LRP1B: variants seen among roughly 807,000 people sequenced by gnomAD.
LRP1B encodes LDL receptor related protein 1B, also known as low-density lipoprotein receptor-related protein 1B.
In LRP1B, 217 loss-of-function variants were observed where a neutral mutation model predicts 556.6. The observed-to-expected ratio is 0.39, with a 90% confidence interval of 0.35 to 0.44. LRP1B has a LOEUF of 0.44. Ranked by LOEUF, LRP1B falls within the 20% of genes least tolerant of loss-of-function variation. The pLI, the probability that LRP1B is intolerant of heterozygous loss-of-function variation, is 1.00. For missense variants in LRP1B, 5,053 were observed against 5,620.8 expected (o/e 0.90, Z 3.23); for synonymous variants, 2,047 against 1,865.8 (o/e 1.10, Z -2.50).
At chr2:140,898,730 C>G (rs1339415930) in intron 23 of LRP1B, 4 of 551,336 alleles carry the variant, frequency 7.3e-6, no homozygotes, top group African/African-American at 1.9e-5. Context: ...TGCCATCTAC[C>G]TTTGGGCAAC....
chr2:141,824,540 C>CT (rs975448675), intron 1 of LRP1B, among the ~76,000 whole-genome samples: 2 of 152,026 alleles, frequency 1.3e-5, no homozygotes, highest in African/African-American at 2.4e-5. Context: ...AATTTTTTGT[C>CT]TTTTTTAGTA....
At chr2:140,852,568 C>T (rs1176314502) in intron 27 of LRP1B, among the ~76,000 whole-genome samples, 1 of 152,164 alleles carries the variant, frequency 6.6e-6, no homozygotes, top group African/African-American at 2.4e-5. Context: ...TTCCTTCAAA[C>T]ACGTGCTCTT....
intron 29 of LRP1B, among the ~76,000 whole-genome samples, chr2:140,846,879 T>C (rs1185860293): frequency 6.6e-6 from 1 of 152,182 alleles, no homozygotes; most frequent in Non-Finnish European, 1.5e-5. Flanking sequence ...TGCTAAACTG[T>C]CAAAAGTTTA....
chr2:141,144,346 G>C (rs1213164557), intron 7 of LRP1B, among the ~76,000 whole-genome samples: 1 of 152,140 alleles, frequency 6.6e-6, no homozygotes, highest in Non-Finnish European at 1.5e-5. Flanking sequence ...CCAAGTTAGT[G>C]TTGAAATATG....
At chr2:141,359,126 G>A (rs1688727832) in intron 3 of LRP1B, among the ~76,000 whole-genome samples, 1 of 151,688 alleles carries the variant, frequency 6.6e-6, no homozygotes, top group Admixed American at 6.6e-5. Context: ...ATTGTATTTT[G>A]AGGCAAAAAT....
chr2:141,827,978 A>G (rs1005538889), intron 1 of LRP1B, among the ~76,000 whole-genome samples: 4 of 151,874 alleles, frequency 2.6e-5, no homozygotes, highest in African/African-American at 9.7e-5. Flanking sequence ...ACAACAGAAG[A>G]CTGCCACTTC....
intron 2 of LRP1B, among the ~76,000 whole-genome samples, chr2:141,546,523 A>T (rs1381067600): frequency 1.3e-5 from 2 of 151,992 alleles, no homozygotes; most frequent in African/African-American, 4.8e-5. Context: ...TCTTCTAAGG[A>T]TCTTTTGTCG....
chr2:140,676,150 T>C (rs1323480214), intron 41 of LRP1B, among the ~76,000 whole-genome samples: 2 of 152,028 alleles, frequency 1.3e-5, no homozygotes, highest in African/African-American at 4.8e-5. Flanking sequence ...TGGGGAGGAG[T>C]TATTCCAGAG....
chr2:140,503,563 T>C (rs989335999), intron 53 of LRP1B, among the ~76,000 whole-genome samples: 5 of 152,056 alleles, frequency 3.3e-5, no homozygotes, highest in African/African-American at 1.2e-4. Context: ...GTAAAAACAT[T>C]GTTAAAATGA....
At chr2:141,367,597 C>G (rs1689091222) in intron 3 of LRP1B, among the ~76,000 whole-genome samples, 1 of 150,740 alleles carries the variant, frequency 6.6e-6, no homozygotes, top group Non-Finnish European at 1.5e-5. Flanking sequence ...ATTCTCCTTC[C>G]CCAGCCTCCC....
intron 25 of LRP1B, among the ~76,000 whole-genome samples, chr2:140,873,035 C>G (rs1439140970): frequency 6.6e-6 from 1 of 151,984 alleles, no homozygotes; most frequent in Non-Finnish European, 1.5e-5. Context: ...AAAGACTAGT[C>G]AAATATTTTT....
chr2:140,875,976 G>A (rs13007422), intron 25 of LRP1B, among the ~76,000 whole-genome samples: 21,426 of 151,954 alleles, frequency 0.14, 1,669 homozygotes, highest in Admixed American at 0.17. Flanking sequence ...TGTCTTCCAC[G>A]GACAGTTATT....
At chr2:140,561,839 T>C (rs1304042806) in intron 43 of LRP1B, among the ~76,000 whole-genome samples, 3 of 152,012 alleles carry the variant, frequency 2.0e-5, no homozygotes, top group Non-Finnish European at 2.9e-5. Context: ...ATCTAAATAT[T>C]TTAAGCAAAA....
intron 1 of LRP1B, among the ~76,000 whole-genome samples, chr2:141,929,606 T>C (rs1700430705): frequency 6.6e-6 from 1 of 152,044 alleles, no homozygotes; most frequent in Non-Finnish European, 1.5e-5. Context: ...CTGTTGTAGT[T>C]TTAGAGAGTT....
intron 85 of LRP1B, among the ~76,000 whole-genome samples, chr2:140,271,849 G>A (rs915312660): frequency 6.6e-6 from 1 of 151,870 alleles, no homozygotes; most frequent in African/African-American, 2.4e-5. Context: ...GCATCTGAGG[G>A]ACTTTTACTT....
intron 2 of LRP1B, among the ~76,000 whole-genome samples, chr2:141,749,934 A>G (rs1044960196): frequency 6.6e-6 from 1 of 152,154 alleles, no homozygotes; most frequent in Non-Finnish European, 1.5e-5. Context: ...TCACTGCTAT[A>G]AAGATATGAA....
chr2:141,014,554 A>C (rs1697848862), intron 13 of LRP1B, among the ~76,000 whole-genome samples: 1 of 152,112 alleles, frequency 6.6e-6, no homozygotes, highest in African/African-American at 2.4e-5. Context: ...TTTTGTATTC[A>C]CTTCATTTAA....
intron 3 of LRP1B, among the ~76,000 whole-genome samples, chr2:141,266,747 T>G (rs2679445): frequency 3.3e-5 from 5 of 152,178 alleles, no homozygotes; most frequent in African/African-American, 1.2e-4. Context: ...CATTTTATTG[T>G]AGATTTTATT....
chr2:140,240,038 G>T (rs1680880456), intron 87 of LRP1B, among the ~76,000 whole-genome samples: 1 of 150,788 alleles, frequency 6.6e-6, no homozygotes, highest in African/African-American at 2.4e-5. Flanking sequence ...ATGGAATCTT[G>T]GTGTAAATAT....
Sources: gnomAD v4.1 joint callset for allele counts (sites outside exome capture counted in the v4.1 genomes callset) on GRCh38, gnomAD v4.1.1 for gene constraint, MANE v1.5 for transcripts, NCBI Gene and HGNC (gene_info 2026-07-23, HGNC 2026-07-21) for gene names.